Variants in SASH1 observed in about 807,000 individuals in gnomAD.
The protein encoded by SASH1 is SAM and SH3 domain-containing protein 1.
In SASH1, 44 loss-of-function variants were observed where a neutral mutation model predicts 125.2. That is an observed-to-expected ratio of 0.35 (90% CI 0.28 to 0.45). The LOEUF (loss-of-function observed/expected upper bound fraction) is 0.45. SASH1 is among the 20% of genes least tolerant of loss of function. SASH1 has a pLI of 1.00. For missense variants in SASH1, 1,426 were observed against 1,614.5 expected (o/e 0.88, Z 2.00); for synonymous variants, 639 against 649.1 (o/e 0.98, Z 0.24).
the SASH1 span, among the ~76,000 whole-genome samples, chr6:148,196,098 C>T: frequency 1.3e-5 from 2 of 152,184 alleles, no homozygotes; most frequent in African/African-American, 4.8e-5. Context: ...CCAGGAGGAT[C>T]AGAGTGGTTC....
At chr6:148,502,621 T>C (rs944152982) in intron 8 of SASH1, among the ~76,000 whole-genome samples, 43 of 152,230 alleles carry the variant, frequency 2.8e-4, no homozygotes, top group African/African-American at 9.1e-4. Context: ...GGAGAGATTA[T>C]GAAATCAAGC....
At position 148,343,215 on chromosome 6, in the gene SASH1, G is replaced by T. The variant is rs747027375; in HGVS notation, c.148G>T (p.Gly50Cys). ...AFSRLWTDVM[G>C]ILDGSLGNID... Reference sequence around the variant, plus strand: ...CTCCCGACTCTGGACCGACGTGATGGGTATCCTGGTAAGTTACCTGGGGAG... The same window carrying T: ...CTCCCGACTCTGGACCGACGTGATGTGTATCCTGGTAAGTTACCTGGGGAG... Residue 50 changes from glycine to cysteine, a missense_variant, in exon 1 of 20, where the codon GGT becomes TGT. By Grantham distance (159) the Gly-to-Cys change is radical. Transcript: ENST00000367467. 2.5e-6 allele frequency: 4 copies of T among 1,587,430 alleles called. No homozygotes were observed. Among genetic ancestry groups the T allele is most frequent in the South Asian group, 1.1e-5 (1 of 89,586 alleles).
In SASH1 at chr6:148,551,718, TAGAGA is replaced by T. The variant is rs1187886537; in HGVS notation, c.*3162_*3166del. 2.6e-5 allele frequency: 4 copies of T among 152,724 alleles called. No individual in the cohort carries two copies. The highest frequency in any genetic ancestry group is 9.6e-5 in the African/African-American group (4 of 41,566). The allele number at this position is 152,724 out of a possible 1,614,324, so 9.5% of individuals were successfully genotyped here. The stretch of plus-strand genomic sequence containing the variant: ...CCAAGTTATCTTGATTTAAAATTGA[TAGAGA>T]AAAGAAACTGTCGAGCAAGTTATAT... On this transcript the variant is annotated 3_prime_UTR_variant, in exon 20 of 20. Transcript: ENST00000367467.
chr6:148,521,706 T>C (rs1206853673), intron 10 of SASH1, among the ~76,000 whole-genome samples: 1 of 152,246 alleles, frequency 6.6e-6, no homozygotes, highest in Non-Finnish European at 1.5e-5. Flanking sequence ...TCATTCAGCC[T>C]CTGGTTTGCT....
At chr6:148,328,390 C>T (rs1582971870) in intron 1 of SASH1, among the ~76,000 whole-genome samples, 2 of 152,080 alleles carry the variant, frequency 1.3e-5, no homozygotes, top group African/African-American at 2.4e-5. Context: ...GTCAGGAGTT[C>T]GAGACCGGCC....
At chr6:148,512,553 A>G in intron 8 of SASH1, 1 of 985,342 alleles carries the variant, frequency 1.0e-6, no homozygotes, top group Non-Finnish European at 1.2e-6. Context: ...TCACATGTCA[A>G]CAATCCAACC....
At chr6:148,504,127 C>G (rs1202336034) in intron 8 of SASH1, among the ~76,000 whole-genome samples, 3 of 152,074 alleles carry the variant, frequency 2.0e-5, no homozygotes, top group African/African-American at 7.2e-5. Flanking sequence ...GGAGCAAAGC[C>G]AGGAGAGCTT....
chr6:148,317,589 T>A (rs1422935101), intron 1 of SASH1, among the ~76,000 whole-genome samples: 1 of 152,192 alleles, frequency 6.6e-6, no homozygotes, highest in Non-Finnish European at 1.5e-5. Context: ...CACATCCGGC[T>A]AATTTTTTTG....
chr6:148,364,545 C>T (rs1782372944), intron 1 of SASH1, among the ~76,000 whole-genome samples: 1 of 152,128 alleles, frequency 6.6e-6, no homozygotes, highest in African/African-American at 2.4e-5. Flanking sequence ...AGTTGCCTGT[C>T]CTGAGCACGT....
At chr6:148,534,063 G>C in intron 15 of SASH1, 83 bp downstream of exon 15, 2 of 1,232,632 alleles carry the variant, frequency 1.6e-6, no homozygotes, top group Non-Finnish European at 2.3e-6. Flanking sequence ...GGCATTTTTA[G>C]GGTAGGGTTG....
At chr6:148,272,322 G>A (rs1322458464) in exon 1 of SASH1, 2 of 470,378 alleles carry the variant, frequency 4.3e-6, no homozygotes, top group Non-Finnish European at 8.8e-6. Flanking sequence ...GAGGAAGTCA[G>A]AGACCATTTG....
At chr6:148,198,214 T>A in the SASH1 span, among the ~76,000 whole-genome samples, 1 of 152,202 alleles carries the variant, frequency 6.6e-6, no homozygotes, top group East Asian at 1.9e-4. Flanking sequence ...GTGAAGAAGG[T>A]CCTTGCCTCT....
chr6:148,250,658 G>A, the SASH1 span, among the ~76,000 whole-genome samples: 9 of 151,448 alleles, frequency 5.9e-5, no homozygotes, highest in African/African-American at 2.2e-4. Flanking sequence ...GAACATTCCT[G>A]TTGAATTAAT....
At chr6:148,289,047 T>G (rs1779557220) in intron 1 of SASH1, among the ~76,000 whole-genome samples, 2 of 151,884 alleles carry the variant, frequency 1.3e-5, no homozygotes, top group Admixed American at 6.6e-5. Flanking sequence ...CAGGCTGGAG[T>G]GCAGCGGCAT....
chr6:148,358,730 TTTG>T (rs1231135060), intron 1 of SASH1, among the ~76,000 whole-genome samples: 3 of 125,964 alleles, frequency 2.4e-5, no homozygotes, highest in Non-Finnish European at 1.7e-5. Flanking sequence ...ATGCCATGTT[TTTG>T]TTTTTTTTTT....
intron 1 of SASH1, among the ~76,000 whole-genome samples, chr6:148,298,008 A>G (rs1779808450): frequency 6.6e-6 from 1 of 150,466 alleles, no homozygotes. Flanking sequence ...TGATTATTAT[A>G]TATATATTTT....
At chr6:148,240,014 T>G in the SASH1 span, 1 of 152,216 alleles carries the variant, frequency 6.6e-6, no homozygotes, top group Non-Finnish European at 1.5e-5. Flanking sequence ...CCCAGGACAC[T>G]GACGTGTGGC....
In SASH1 at chr6:148,525,311, A is replaced by G; in HGVS notation, c.1230A>G (p.Gly410=). ...LSHGRTCSFG[G]FDLTNRSLHV... is the part of the protein sequence containing the mutation. The stretch of plus-strand genomic sequence containing the variant: ...CACAGAGAACCTGCAGTTTTGGAGG[A>G]TTTGACTTGACGAATCGCTCTCTGC... The change falls in exon 11 of 20, where the codon GGA becomes GGG. Residue 410 remains glycine, a synonymous_variant. Transcript: ENST00000367467. The G allele has an allele frequency of 1.2e-6, 2 of 1,613,958 alleles. No homozygotes were observed. Among genetic ancestry groups the G allele is most frequent in the Non-Finnish European group, 1.7e-6 (2 of 1,179,978 alleles).
the SASH1 span, among the ~76,000 whole-genome samples, chr6:148,218,501 T>G: frequency 6.6e-6 from 1 of 152,250 alleles, no homozygotes; most frequent in Non-Finnish European, 1.5e-5. Context: ...TCTACTTTGT[T>G]GGTTCTAACA....
Sources: gnomAD v4.1 joint callset for allele counts (sites outside exome capture counted in the v4.1 genomes callset) on GRCh38, gnomAD v4.1.1 for gene constraint, MANE v1.5 for transcripts, NCBI Gene and HGNC (gene_info 2026-07-23, HGNC 2026-07-21) for gene names.